SPMIP7: variants seen among roughly 807,000 people sequenced by gnomAD.
SPMIP7 encodes the protein sperm microtubule inner protein 7, also known as protein SPMIP7.
chr7:50,157,463 A>G, the SPMIP7 span, among the ~76,000 whole-genome samples: 3 of 152,084 alleles, frequency 2.0e-5, no homozygotes, highest in Non-Finnish European at 2.9e-5. Flanking sequence ...CCAGAATGTA[A>G]CCTTCACAGA....
the SPMIP7 span, among the ~76,000 whole-genome samples, chr7:50,101,163 C>A: frequency 3.3e-5 from 5 of 152,230 alleles, no homozygotes; most frequent in Non-Finnish European, 7.3e-5. Context: ...GACATTGGGC[C>A]TGGACATTTG....
the SPMIP7 span, among the ~76,000 whole-genome samples, chr7:50,145,868 C>A: frequency 7.3e-5 from 11 of 151,358 alleles, no homozygotes; most frequent in Admixed American, 6.6e-4. Context: ...GAGGTACCAT[C>A]CTCCACTAAG....
the SPMIP7 span, among the ~76,000 whole-genome samples, chr7:50,144,567 T>C: frequency 6.6e-6 from 1 of 152,248 alleles, no homozygotes; most frequent in Admixed American, 6.5e-5. Flanking sequence ...CATATATGTT[T>C]GTACACTTAT....
chr7:50,136,095 T>C, the SPMIP7 span: 4 of 1,548,348 alleles, frequency 2.6e-6, no homozygotes, highest in East Asian at 2.4e-5. Context: ...CGATTATTTT[T>C]AGATGGTTGG....
At chr7:50,105,175 T>C in the SPMIP7 span, among the ~76,000 whole-genome samples, 247 of 152,282 alleles carry the variant, frequency 1.6e-3, 3 homozygotes, top group African/African-American at 5.5e-3. Flanking sequence ...TCCTAAGACA[T>C]ACACAGATAT....
At chr7:50,156,050 C>G in the SPMIP7 span, among the ~76,000 whole-genome samples, 2 of 152,138 alleles carry the variant, frequency 1.3e-5, no homozygotes, top group Admixed American at 1.3e-4. Context: ...AACAGCAGCT[C>G]CTGGCAAGCG....
the SPMIP7 span, among the ~76,000 whole-genome samples, chr7:50,125,464 A>T: frequency 6.7e-6 from 1 of 150,256 alleles, no homozygotes; most frequent in African/African-American, 2.4e-5. Context: ...AAGAAAATTT[A>T]AAAATGGTAA....
chr7:50,157,834 G>A, the SPMIP7 span, among the ~76,000 whole-genome samples: 1 of 152,026 alleles, frequency 6.6e-6, no homozygotes, highest in Admixed American at 6.5e-5. Context: ...AGGGAGTTTG[G>A]GAATGCCAGT....
chr7:50,124,181 A>G, the SPMIP7 span, among the ~76,000 whole-genome samples: 1 of 152,200 alleles, frequency 6.6e-6, no homozygotes, highest in African/African-American at 2.4e-5. Flanking sequence ...TAATTTGTCA[A>G]GAAAACCTAA....
chr7:50,103,366 A>T, the SPMIP7 span, among the ~76,000 whole-genome samples: 1 of 152,160 alleles, frequency 6.6e-6, no homozygotes, highest in Admixed American at 6.5e-5. Context: ...ATCTTCACCT[A>T]TGCTAGTCAC....
the SPMIP7 span, among the ~76,000 whole-genome samples, chr7:50,129,520 A>T: frequency 1.3e-5 from 2 of 152,104 alleles, no homozygotes; most frequent in Admixed American, 6.6e-5. Context: ...GAATTTAATG[A>T]TTATGACAAT....
At chr7:50,136,195 T>C in the SPMIP7 span, 1,658 of 1,450,656 alleles carry the variant, frequency 1.1e-3, 21 homozygotes, top group African/African-American at 0.021. Context: ...GTTCTCACAC[T>C]AGGTTTCTCA....
the SPMIP7 span, among the ~76,000 whole-genome samples, chr7:50,156,181 C>CA: frequency 6.6e-6 from 1 of 152,188 alleles, no homozygotes; most frequent in Non-Finnish European, 1.5e-5. Flanking sequence ...CCCTTATGAT[C>CA]AGAAAATTGG....
At chr7:50,141,230 C>T in the SPMIP7 span, 2 of 1,233,088 alleles carry the variant, frequency 1.6e-6, no homozygotes, top group Non-Finnish European at 2.3e-6. Flanking sequence ...ATGGTTTCTT[C>T]TATGTTTCTT....
the SPMIP7 span, among the ~76,000 whole-genome samples, chr7:50,145,570 G>A: frequency 2.4e-4 from 20 of 82,218 alleles, no homozygotes; most frequent in East Asian, 6.2e-4. Context: ...ATATATATAT[G>A]TATATATATA....
chr7:50,105,461 G>A, the SPMIP7 span, among the ~76,000 whole-genome samples: 1 of 152,152 alleles, frequency 6.6e-6, no homozygotes, highest in Non-Finnish European at 1.5e-5. Flanking sequence ...ATAGTGCCAT[G>A]TTGATTTCTT....
chr7:50,098,293 A>G, the SPMIP7 span, among the ~76,000 whole-genome samples: 1 of 152,114 alleles, frequency 6.6e-6, no homozygotes, highest in Non-Finnish European at 1.5e-5. Flanking sequence ...GTCTCTCTTT[A>G]TCATCTACCA....
At chr7:50,155,687 T>C in the SPMIP7 span, among the ~76,000 whole-genome samples, 1 of 152,094 alleles carries the variant, frequency 6.6e-6, no homozygotes, top group Admixed American at 6.5e-5. Flanking sequence ...TGAAAAACTG[T>C]CCCCTACTGT....
chr7:50,154,613 C>T, the SPMIP7 span, among the ~76,000 whole-genome samples: 11 of 152,162 alleles, frequency 7.2e-5, no homozygotes, highest in Admixed American at 2.0e-4. Flanking sequence ...TTTATCCATT[C>T]ATCTATCAAC....
Sources: allele counts gnomAD v4.1 joint callset (sites outside exome capture counted in the v4.1 genomes callset), GRCh38; gene constraint gnomAD v4.1.1; transcripts MANE v1.5; gene names NCBI Gene and HGNC (gene_info 2026-07-23, HGNC 2026-07-21).